The following SPOCK1 variants were observed in gnomAD, a reference collection of about 807,000 sequenced individuals.
SPOCK1 encodes the protein testican-1.
In SPOCK1, 23 loss-of-function variants were observed where a neutral mutation model predicts 55.3. The observed-to-expected ratio is 0.42, with a 90% confidence interval of 0.30 to 0.59. The LOEUF is 0.59. SPOCK1 is among the 20% of genes least tolerant of loss of function. SPOCK1 has a pLI of 0.22. For synonymous variants in SPOCK1, 226 were observed against 221.0 expected (o/e 1.02, Z -0.20); for missense variants, 499 against 552.5 (o/e 0.90, Z 0.97).
intron 2 of SPOCK1, among the ~76,000 whole-genome samples, chr5:137,478,780 A>C (rs1006840725): frequency 2.3e-4 from 35 of 152,186 alleles, no homozygotes; most frequent in African/African-American, 8.2e-4. Context: ...CACCACCCCC[A>C]ACCCAAATTT....
chr5:137,009,980 A>G (rs10067912), intron 6 of SPOCK1, among the ~76,000 whole-genome samples: 116,544 of 152,046 alleles, frequency 0.77, 46,763 homozygotes, highest in South Asian at 0.93. Flanking sequence ...CTCCTTCCTG[A>G]AGAATCAAGG....
chr5:137,231,030 G>A (rs1052096977), intron 3 of SPOCK1, among the ~76,000 whole-genome samples: 3 of 145,426 alleles, frequency 2.1e-5, no homozygotes, highest in African/African-American at 7.4e-5. Context: ...TCACCACAAG[G>A]ATCCCTGGTG....
rs115162400 is a variant in SPOCK1, at chr5:137,346,999, G to C, written c.187-79944C>G. Among the ~76,000 whole-genome samples, 1,095 of 152,080 alleles carry C rather than the reference G, an allele frequency of 7.2e-3. 11 individuals carry two copies. The highest frequency in any genetic ancestry group is 0.025 in the African/African-American group (1,035 of 41,480). On this transcript the variant is annotated intron_variant, in intron 2 of 10. Coordinates refer to ENST00000394945, the MANE Select transcript of SPOCK1 (RefSeq NM_004598.4). The stretch of plus-strand genomic sequence containing the variant: ...CCTCTCCCTTCTCTGTTACCTCCAG[G>C]GTCCTTCCAGTTCTGCCTCCTAAAC...
At chr5:137,270,789 C>T (rs140027335) in intron 2 of SPOCK1, among the ~76,000 whole-genome samples, 26 of 152,190 alleles carry the variant, frequency 1.7e-4, no homozygotes, top group East Asian at 1.4e-3. Flanking sequence ...GATCACCTGA[C>T]GTCAGGAGTT....
At chr5:137,355,406 C>A (rs1325251160) in intron 2 of SPOCK1, among the ~76,000 whole-genome samples, 1 of 152,172 alleles carries the variant, frequency 6.6e-6, no homozygotes, top group African/African-American at 2.4e-5. Context: ...CCAAGCTGGT[C>A]TTGAACACTT....
intron 3 of SPOCK1, among the ~76,000 whole-genome samples, chr5:137,257,019 T>C (rs1265589724): frequency 1.3e-5 from 2 of 152,176 alleles, no homozygotes; most frequent in Non-Finnish European, 2.9e-5. Context: ...ATAACCATCG[T>C]CAGCTAGAGT....
chr5:137,305,968 AG>A (rs1171633256), intron 2 of SPOCK1, among the ~76,000 whole-genome samples: 1 of 152,240 alleles, frequency 6.6e-6, no homozygotes, highest in African/African-American at 2.4e-5. Context: ...TGTTCCAGGT[AG>A]CACTGGAATC....
chr5:137,225,697 T>G (rs1755931314), intron 3 of SPOCK1, among the ~76,000 whole-genome samples: 1 of 152,210 alleles, frequency 6.6e-6, no homozygotes, highest in South Asian at 2.1e-4. Context: ...AACACAGGTT[T>G]CTGGCTCTAT....
At chr5:137,402,749 T>C (rs1404786528) in intron 2 of SPOCK1, among the ~76,000 whole-genome samples, 1 of 152,230 alleles carries the variant, frequency 6.6e-6, no homozygotes, top group African/African-American at 2.4e-5. Flanking sequence ...GAGTTTCTAA[T>C]GAAATCTGAA....
chr5:137,417,398 G>A (rs1377588272), intron 2 of SPOCK1, among the ~76,000 whole-genome samples: 1 of 132,228 alleles, frequency 7.6e-6, no homozygotes, highest in Non-Finnish European at 1.6e-5. Flanking sequence ...ACTGTCAAAT[G>A]CACACATTTT....
At position 137,204,870 on chromosome 5, in the gene SPOCK1, C is replaced by T. The variant is rs529737797; in HGVS notation, c.232+62140G>A. On this transcript the variant is annotated intron_variant, in intron 3 of 10. Transcript: ENST00000394945. ...CCTAGAAGCACTCGCCTCTGCTTCT[C>T]GAGCATGCTTAGCTTGTTCCCACCT... Among the ~76,000 whole-genome samples, 10 of 152,240 alleles carry T rather than the reference C, an allele frequency of 6.6e-5. No individual in the cohort carries two copies. In the East Asian group the frequency reaches 1.5e-3, roughly 24 times the overall value.
intron 3 of SPOCK1, among the ~76,000 whole-genome samples, chr5:137,248,001 C>T (rs573494353): frequency 2.0e-5 from 3 of 152,152 alleles, no homozygotes; most frequent in African/African-American, 4.8e-5. Context: ...GCTTTGGCTG[C>T]GACAAACAAA....
chr5:137,192,706 T>G (rs1056450451), intron 3 of SPOCK1, among the ~76,000 whole-genome samples: 2 of 152,226 alleles, frequency 1.3e-5, no homozygotes, highest in Non-Finnish European at 2.9e-5. Flanking sequence ...TAAATCATTC[T>G]GTACACAATA....
At chr5:137,484,816 G>C (rs962462647) in intron 2 of SPOCK1, among the ~76,000 whole-genome samples, 15 of 152,098 alleles carry the variant, frequency 9.9e-5, no homozygotes, top group African/African-American at 3.6e-4. Context: ...CCTTAGTTTG[G>C]TATACTGTAG....
At chr5:137,311,588 C>A (rs1363794167) in intron 2 of SPOCK1, among the ~76,000 whole-genome samples, 3 of 152,238 alleles carry the variant, frequency 2.0e-5, no homozygotes, top group African/African-American at 7.2e-5. Context: ...CTACTCCGCT[C>A]TTTTCCTTCA....
chr5:137,364,912 G>T (rs761780581), intron 2 of SPOCK1: 1 of 152,238 alleles, frequency 6.6e-6, no homozygotes, highest in African/African-American at 2.4e-5. Context: ...TTAGGATCAG[G>T]TGACTTAGTT....
intron 2 of SPOCK1, among the ~76,000 whole-genome samples, chr5:137,370,839 C>T (rs1751185929): frequency 6.6e-6 from 1 of 152,354 alleles, no homozygotes; most frequent in Non-Finnish European, 1.5e-5. Context: ...GCATCTCTGC[C>T]TCTCCAGGGT....
chr5:136,977,783 C>T lies in SPOCK1; in HGVS notation c.*871G>A, dbSNP rs1255046321. On this transcript the variant is annotated 3_prime_UTR_variant, in exon 11 of 11. Coordinates refer to ENST00000394945, the MANE Select transcript of SPOCK1 (RefSeq NM_004598.4). ...GGCTTTCAGTAACTCTGCTGATGCA[C>T]AGAGAAGAGACTTCCTCAGCCTGCA... is the stretch of plus-strand genomic sequence containing the variant. The T allele has an allele frequency of 5.0e-6, 2 of 398,824 alleles. No individual in the cohort carries two copies. The highest frequency in any genetic ancestry group is 8.8e-6 in the Non-Finnish European group (2 of 226,060). 24.7% of individuals were successfully genotyped at this position (398,824 alleles called of 1,614,324 possible).
intron 6 of SPOCK1, among the ~76,000 whole-genome samples, chr5:137,016,334 C>T (rs115778707): frequency 8.5e-5 from 13 of 152,190 alleles, no homozygotes; most frequent in East Asian, 1.9e-4. Flanking sequence ...ACCGCAAGCA[C>T]GAGCACAGCA....
Sources: allele counts gnomAD v4.1 joint callset (sites outside exome capture counted in the v4.1 genomes callset), GRCh38; gene constraint gnomAD v4.1.1; transcripts MANE v1.5; gene names NCBI Gene and HGNC (gene_info 2026-07-23, HGNC 2026-07-21).